IMMP2L: variants seen among roughly 807,000 people sequenced by gnomAD.
IMMP2L encodes inner mitochondrial membrane peptidase subunit 2, also known as mitochondrial inner membrane protease subunit 2.
IMMP2L carries 18 observed loss-of-function variants against 19.3 expected under a neutral mutation model. The observed-to-expected ratio is 0.93, with a 90% CI of 0.64 to 1.38. The LOEUF is 1.38. Among genes scored for constraint, IMMP2L ranks in the 40% most tolerant of loss-of-function variants. The pLI is 0.00. For missense variants in IMMP2L, 233 were observed against 218.2 expected (o/e 1.07, Z -0.43); for synonymous variants, 76 against 73.0 (o/e 1.04, Z -0.21).
chr7:111,482,549 A>G (rs1424695262), intron 3 of IMMP2L, among the ~76,000 whole-genome samples: 2 of 152,050 alleles, frequency 1.3e-5, no homozygotes, highest in Non-Finnish European at 2.9e-5. Flanking sequence ...TTTGCTTCCT[A>G]GCAGCTATAA....
intron 4 of IMMP2L, among the ~76,000 whole-genome samples, chr7:110,915,795 CA>C (rs147378748): frequency 0.035 from 5,374 of 151,842 alleles, 321 homozygotes; most frequent in African/African-American, 0.12. Flanking sequence ...CATTATACTG[CA>C]AAAAAGAGAA....
intron 3 of IMMP2L, among the ~76,000 whole-genome samples, chr7:111,089,847 G>A (rs1009012246): frequency 4.0e-5 from 6 of 151,808 alleles, no homozygotes; most frequent in Admixed American, 2.6e-4. Context: ...TTAAAGACAA[G>A]CCTACTGTTT....
chr7:111,428,741 T>C (rs1836335395), intron 3 of IMMP2L, among the ~76,000 whole-genome samples: 1 of 151,908 alleles, frequency 6.6e-6, no homozygotes, highest in Middle Eastern at 3.4e-3. Flanking sequence ...TGACTATCTA[T>C]ACCACCTTTC....
intron 4 of IMMP2L, among the ~76,000 whole-genome samples, chr7:110,907,657 T>C (rs552963694): frequency 1.3e-5 from 2 of 152,324 alleles, no homozygotes; most frequent in South Asian, 4.1e-4. Flanking sequence ...CCTGTCCCTA[T>C]CAATAGTTTC....
intron 4 of IMMP2L, among the ~76,000 whole-genome samples, chr7:110,950,592 T>A (rs1434591468): frequency 2.0e-5 from 3 of 151,604 alleles, no homozygotes; most frequent in Non-Finnish European, 4.4e-5. Flanking sequence ...TCCAAAAAAA[T>A]TAAAATGAGA....
intron 4 of IMMP2L, among the ~76,000 whole-genome samples, chr7:110,941,704 G>A (rs1816742360): frequency 6.6e-6 from 1 of 152,102 alleles, no homozygotes; most frequent in Non-Finnish European, 1.5e-5. Context: ...TTTCCTGTAT[G>A]TCTTCCCTAT....
chr7:110,854,558 C>T (rs1391246490), intron 5 of IMMP2L, among the ~76,000 whole-genome samples: 1 of 151,868 alleles, frequency 6.6e-6, no homozygotes, highest in Non-Finnish European at 1.5e-5. Context: ...TGAATAACTC[C>T]ATATTGACCT....
At chr7:110,977,353 G>T (rs2129557473) in intron 3 of IMMP2L, among the ~76,000 whole-genome samples, 1 of 151,956 alleles carries the variant, frequency 6.6e-6, no homozygotes, top group Admixed American at 6.6e-5. Flanking sequence ...AAATGTTACT[G>T]CTGATCCCCA....
intron 3 of IMMP2L, among the ~76,000 whole-genome samples, chr7:111,058,551 A>T (rs1793722076): frequency 1.3e-5 from 2 of 152,242 alleles, no homozygotes; most frequent in Admixed American, 1.3e-4. Context: ...TTATTATTTT[A>T]AAATGAATTT....
intron 4 of IMMP2L, among the ~76,000 whole-genome samples, chr7:110,896,841 T>G (rs1370478865): frequency 6.6e-6 from 1 of 152,052 alleles, no homozygotes; most frequent in Non-Finnish European, 1.5e-5. Context: ...AGGTCTCGCT[T>G]CGTTGCTCAG....
At chr7:110,845,889 C>T (rs1040735528) in intron 5 of IMMP2L, among the ~76,000 whole-genome samples, 1 of 152,076 alleles carries the variant, frequency 6.6e-6, no homozygotes, top group African/African-American at 2.4e-5. Context: ...TTGCCCTTTT[C>T]CCACCATGTG....
intron 4 of IMMP2L, among the ~76,000 whole-genome samples, chr7:110,891,536 A>T (rs1298196084): frequency 6.6e-6 from 1 of 152,228 alleles, no homozygotes; most frequent in Non-Finnish European, 1.5e-5. Context: ...ATTTGGAAAT[A>T]CCCACCTTAG....
chr7:111,236,720 T>A (rs141823249), intron 3 of IMMP2L, among the ~76,000 whole-genome samples: 24 of 152,198 alleles, frequency 1.6e-4, no homozygotes, highest in African/African-American at 5.3e-4. Context: ...GACTCCCAAC[T>A]CTGTCTCGTC....
At chr7:110,893,766 C>T (rs1020089033) in intron 4 of IMMP2L, among the ~76,000 whole-genome samples, 1 of 152,130 alleles carries the variant, frequency 6.6e-6, no homozygotes, top group Admixed American at 6.6e-5. Flanking sequence ...ATTTTCATTT[C>T]TCTTCTATAA....
chr7:111,347,099 G>A (rs908622309), intron 3 of IMMP2L, among the ~76,000 whole-genome samples: 1 of 152,120 alleles, frequency 6.6e-6, no homozygotes, highest in African/African-American at 2.4e-5. Context: ...CCAAGTCTCT[G>A]CTTAGGTGAA....
At position 111,373,136 on chromosome 7, in the gene IMMP2L, TAGAG is replaced by T. The variant is rs1830395853; in HGVS notation, c.239+114098_239+114101del. On this transcript the variant is annotated intron_variant, in intron 3 of 5. Transcript: ENST00000405709. ...TTAAGTGGTGAAAAAAAAAAAACTGTAGAGAGAAAGAGATCACATGCCTCCCACA... is the reference window on the plus strand; with the variant it reads ...TTAAGTGGTGAAAAAAAAAAAACTGTAGAAAGAGATCACATGCCTCCCACA... Among the ~76,000 whole-genome samples, 6 of 147,704 alleles carry T rather than the reference TAGAG, an allele frequency of 4.1e-5. No individual in the cohort carries two copies. The South Asian group carries it at 1.3e-3, about 31-fold the overall frequency.
intron 5 of IMMP2L, among the ~76,000 whole-genome samples, chr7:110,771,140 G>A (rs1252740427): frequency 6.6e-6 from 1 of 152,114 alleles, no homozygotes; most frequent in Admixed American, 6.5e-5. Flanking sequence ...TCAAAGAAGG[G>A]GTTGCTGTTT....
chr7:111,321,206 G>A (rs112174631), intron 3 of IMMP2L, among the ~76,000 whole-genome samples: 2,684 of 151,948 alleles, frequency 0.018, 33 homozygotes, highest in Non-Finnish European at 0.028. Flanking sequence ...ACCCTTATTT[G>A]CTCCTACGAT....
At chr7:111,055,685 TA>T (rs1793443633) in intron 3 of IMMP2L, among the ~76,000 whole-genome samples, 1 of 152,176 alleles carries the variant, frequency 6.6e-6, no homozygotes, top group South Asian at 2.1e-4. Context: ...CAAGAATATA[TA>T]ATGACAACTG....
Sources: allele counts gnomAD v4.1 joint callset (sites outside exome capture counted in the v4.1 genomes callset), GRCh38; gene constraint gnomAD v4.1.1; transcripts MANE v1.5; gene names NCBI Gene and HGNC (gene_info 2026-07-23, HGNC 2026-07-21).